RAD18: variants seen among roughly 807,000 people sequenced by gnomAD.
The protein encoded by RAD18 is RAD18 E3 ubiquitin protein ligase.
In RAD18, 47 loss-of-function variants were observed where a neutral mutation model predicts 60.4. The observed-to-expected ratio is 0.78, with a 90% confidence interval of 0.62 to 0.99. RAD18 has a LOEUF of 0.99. Among genes scored for constraint, RAD18 ranks in the 50% least tolerant of loss-of-function variants. The pLI is 0.00. For missense variants in RAD18, 640 were observed against 593.3 expected (o/e 1.08, Z -0.82); for synonymous variants, 225 against 195.5 (o/e 1.15, Z -1.26).
chr3:8,899,067 A>C lies in RAD18; in HGVS notation c.1169-20T>G, dbSNP rs777799864. On this transcript the variant is annotated intron_variant, in intron 10 of 12. Coordinates refer to ENST00000264926, the MANE Select transcript of RAD18 (RefSeq NM_020165.4). Reference sequence around the variant, plus strand: ...CCTGTCCTAGGAAAAAATAAATTTAAGAGTACCTTAAAATCTACAACTTCT... The same window carrying C: ...CCTGTCCTAGGAAAAAATAAATTTACGAGTACCTTAAAATCTACAACTTCT... 3.2e-6 allele frequency: 5 copies of C among 1,555,196 alleles called. No homozygotes were observed. The highest frequency in any genetic ancestry group is 4.4e-6 in the Non-Finnish European group (5 of 1,144,876).
At chr3:8,958,871 T>C in intron 2 of RAD18, 49 bp downstream of exon 2, 1 of 1,380,396 alleles carries the variant, frequency 7.2e-7, no homozygotes, top group Non-Finnish European at 1.0e-6. Flanking sequence ...TAACACTACC[T>C]CATGTAAAAA....
At chr3:8,892,045 AAGTCTT>A (rs1357896149) in intron 11 of RAD18, among the ~76,000 whole-genome samples, 1 of 152,206 alleles carries the variant, frequency 6.6e-6, no homozygotes, top group African/African-American at 2.4e-5. Flanking sequence ...AATATTTTTG[AAGTCTT>A]AGTCATTTTA....
intron 2 of RAD18, among the ~76,000 whole-genome samples, chr3:8,955,049 T>C (rs1188757259): frequency 1.3e-5 from 2 of 152,118 alleles, no homozygotes; most frequent in East Asian, 3.8e-4. Flanking sequence ...CATGAAGAAG[T>C]GAGCAAACAA....
chr3:8,883,300 T>TC, intron 12 of RAD18, among the ~76,000 whole-genome samples: 1 of 152,282 alleles, frequency 6.6e-6, no homozygotes, highest in Non-Finnish European at 1.5e-5. Flanking sequence ...AGAACCCCAG[T>TC]CATGAGAAAT....
chr3:8,881,194 C>T lies in RAD18; in HGVS notation c.*163G>A, dbSNP rs556917126. On this transcript the variant is annotated 3_prime_UTR_variant, in exon 13 of 13. Transcript: ENST00000264926. ...CTGACCAAGTAAGGATATTTTGTAA[C>T]ATTTTTCCCCTCTGGAAAAGCAGAA... 16 of 614,318 alleles carry T rather than the reference C, an allele frequency of 2.6e-5. No homozygotes were observed. The African/African-American group carries it at 2.8e-4, about 11-fold the overall frequency. 38.1% of individuals were successfully genotyped at this position (614,318 alleles called of 1,614,324 possible). A position where few individuals can be genotyped will look rare whatever the true frequency, so the allele number is the denominator to read the frequency against.
In RAD18 at chr3:8,879,972, A is replaced by C. The variant is rs892214980; in HGVS notation, c.*1385T>G. The C allele has an allele frequency of 2.0e-5, 3 of 152,230 alleles. No homozygotes were observed. The highest frequency in any genetic ancestry group is 4.4e-5 in the Non-Finnish European group (3 of 68,044). The allele number at this position is 152,230 out of a possible 1,614,324, so 9.4% of individuals were successfully genotyped here. On this transcript the variant is annotated 3_prime_UTR_variant, in exon 13 of 13. Transcript: ENST00000264926. ...AATTTCTGACAACTCAGTGACATAA[A>C]TATATCCATGTGAGCTCCTATTTTG... is the stretch of plus-strand genomic sequence containing the variant.
At chr3:8,926,722 T>C (rs967907057) in intron 7 of RAD18, among the ~76,000 whole-genome samples, 1 of 152,064 alleles carries the variant, frequency 6.6e-6, no homozygotes, top group African/African-American at 2.4e-5. Flanking sequence ...TATAGACCAA[T>C]GGAACAGAAC....
At chr3:8,919,769 A>G (rs1436172195) in intron 7 of RAD18, among the ~76,000 whole-genome samples, 4 of 152,250 alleles carry the variant, frequency 2.6e-5, no homozygotes, top group Non-Finnish European at 5.9e-5. Flanking sequence ...GGCTGATTTC[A>G]GGGCTGGGGC....
intron 6 of RAD18, among the ~76,000 whole-genome samples, chr3:8,938,706 A>G (rs1435495923): frequency 6.6e-6 from 1 of 152,150 alleles, no homozygotes; most frequent in Non-Finnish European, 1.5e-5. Context: ...GGAAGGAAAG[A>G]GACTGAAGGC....
At chr3:8,899,998 A>T (rs1423238676) in intron 10 of RAD18, among the ~76,000 whole-genome samples, 1 of 152,226 alleles carries the variant, frequency 6.6e-6, no homozygotes, top group Non-Finnish European at 1.5e-5. Flanking sequence ...AGGTTTGATT[A>T]TACAGAGAGA....
Position 8,899,015 on chromosome 3 carries a change from G to C in RAD18, c.1201C>G (p.His401Asp). The change falls in exon 11 of 13, where the codon CAC becomes GAC. Residue 401 changes from histidine (H) to aspartate (D), a missense_variant. His to Asp is a moderately conservative substitution (Grantham distance 81). Coordinates refer to ENST00000264926, the MANE Select transcript of RAD18 (RefSeq NM_020165.4). Reference sequence around the variant, plus strand: ...GAGTCCAGCTTTGATTGAGAAAAGTGGTTTGTTACTGAGGTCATATTATCT... The same window carrying C: ...GAGTCCAGCTTTGATTGAGAAAAGTCGTTTGTTACTGAGGTCATATTATCT... The part of the protein sequence containing the change: ...QEDNMTSVTN[H>D]FSQSKLDSPE... 6.2e-7 allele frequency: 1 copy of C among 1,606,568 alleles called. No homozygotes were observed. The highest frequency in any genetic ancestry group is 8.5e-7 in the Non-Finnish European group (1 of 1,175,826).
At chr3:8,955,860 C>G (rs1397204188) in intron 2 of RAD18, among the ~76,000 whole-genome samples, 1 of 151,962 alleles carries the variant, frequency 6.6e-6, no homozygotes, top group Non-Finnish European at 1.5e-5. Flanking sequence ...TATGGTAGTG[C>G]CCCCTTATAC....
Position 8,881,258 on chromosome 3 carries a change from G to A in RAD18, c.*99C>T. On this transcript the variant is annotated 3_prime_UTR_variant, in exon 13 of 13. Coordinates refer to ENST00000264926, the MANE Select transcript of RAD18 (RefSeq NM_020165.4). ...AGCTAACCGTAATATTTAGAATTTA[G>A]CATCTTTCCTTGGGCATTTATAAAT... 1.1e-6 allele frequency: 1 copy of A among 939,024 alleles called. No homozygotes were observed. The highest frequency in any genetic ancestry group is 1.6e-6 in the Non-Finnish European group (1 of 610,498). The allele number at this position is 939,024 out of a possible 1,614,324, so 58.2% of individuals were successfully genotyped here.
Position 8,890,483 on chromosome 3 carries a change from C to A in RAD18, c.1323-32G>T, listed in dbSNP as rs111742359. The stretch of plus-strand genomic sequence containing the variant: ...GGATATGTACATCAGTATTGACAGA[C>A]AACAAGAAGACTGTATCGTCCCATT... On this transcript the variant is annotated intron_variant, in intron 11 of 12. Coordinates refer to ENST00000264926, the MANE Select transcript of RAD18 (RefSeq NM_020165.4). 86 of 1,456,588 alleles carry A rather than the reference C, an allele frequency of 5.9e-5. No homozygotes were observed. The Middle Eastern group carries it at 1.2e-3, about 21-fold the overall frequency. The allele number at this position is 1,456,588 out of a possible 1,614,324, so 90.2% of individuals were successfully genotyped here. A position where few individuals can be genotyped will look rare whatever the true frequency, so the allele number is the denominator to read the frequency against.
At chr3:8,932,790 G>A (rs1451209330) in intron 7 of RAD18, among the ~76,000 whole-genome samples, 1 of 152,150 alleles carries the variant, frequency 6.6e-6, no homozygotes, top group Non-Finnish European at 1.5e-5. Flanking sequence ...GCAGAACACT[G>A]CTTGGCAATA....
intron 2 of RAD18, among the ~76,000 whole-genome samples, chr3:8,957,348 T>G (rs548950702): frequency 6.6e-6 from 1 of 152,086 alleles, no homozygotes; most frequent in African/African-American, 2.4e-5. Context: ...GAAATGCATT[T>G]AAAATGCAAC....
Position 8,941,693 on chromosome 3 carries a change from T to TA in RAD18, c.377dup (p.Leu126PhefsTer10). The stretch of plus-strand genomic sequence containing the variant: ...TATCCATTAACCTGCTCCCCTGCTT[T>TA]AAAGACTGTCTGGAGGCTACAGGAG... On this transcript the variant is annotated frameshift_variant, in exon 5 of 13. Coordinates refer to ENST00000264926, the MANE Select transcript of RAD18 (RefSeq NM_020165.4). LOFTEE classifies it high-confidence loss of function. The TA allele has an allele frequency of 6.2e-7, 1 of 1,614,188 alleles. No individual in the cohort carries two copies. Among genetic ancestry groups the TA allele is most frequent in the Non-Finnish European group, 8.5e-7 (1 of 1,180,004 alleles).
At chr3:8,926,809 A>AT (rs1940447014) in intron 7 of RAD18, among the ~76,000 whole-genome samples, 1 of 152,226 alleles carries the variant, frequency 6.6e-6, no homozygotes, top group Non-Finnish European at 1.5e-5. Flanking sequence ...GAAATGGGGA[A>AT]AGGATTCCCT....
chr3:8,913,725 T>A lies in RAD18; in HGVS notation c.890-5A>T. The A allele has an allele frequency of 6.5e-7, 1 of 1,532,454 alleles. No homozygotes were observed. Among genetic ancestry groups the A allele is most frequent in the Non-Finnish European group, 8.9e-7 (1 of 1,125,308 alleles). 94.9% of individuals were successfully genotyped at this position (1,532,454 alleles called of 1,614,324 possible). A position where few individuals can be genotyped will look rare whatever the true frequency, so the allele number is the denominator to read the frequency against. On this transcript the variant is annotated splice_polypyrimidine_tract_variant and splice_region_variant and intron_variant, in intron 7 of 12. Coordinates refer to ENST00000264926, the MANE Select transcript of RAD18 (RefSeq NM_020165.4). The stretch of plus-strand genomic sequence containing the variant: ...TTTCTCGAACTATTTCAGCAGCTGT[T>A]AAAATAAGAAAATAACCACTAGGTT...
Sources: allele counts gnomAD v4.1 joint callset (sites outside exome capture counted in the v4.1 genomes callset), GRCh38; gene constraint gnomAD v4.1.1; transcripts MANE v1.5; gene names NCBI Gene and HGNC (gene_info 2026-07-23, HGNC 2026-07-21).